Variants in ZAN observed in about 807,000 individuals in gnomAD.
The protein encoded by ZAN is zonadhesin, also known as zonadhesin (gene/pseudogene).
In ZAN, 260 loss-of-function variants were observed where a neutral mutation model predicts 286.2. That is an observed-to-expected ratio of 0.91 (90% CI 0.82 to 1.01). ZAN has a LOEUF of 1.01. Among genes scored for constraint, ZAN ranks in the 50% least tolerant of loss-of-function variants. The pLI, the probability that ZAN is intolerant of heterozygous loss-of-function variation, is 0.00. For missense variants in ZAN, 3,410 were observed against 3,639.2 expected, an observed-to-expected ratio of 0.94 and a Z score of 1.62; for synonymous variants, 1,368 against 1,417.5, an observed-to-expected ratio of 0.97 and a Z score of 0.79.
chr7:100,753,304 G>A, intron 14 of ZAN, 75 bp downstream of exon 14: 1 of 1,459,384 alleles, frequency 6.9e-7, no homozygotes, highest in Non-Finnish European at 9.1e-7. Context: ...GGAAAGGGAT[G>A]CTTCTGGTAG....
At chr7:100,735,486 G>A (rs1299959223) in intron 2 of ZAN, among the ~76,000 whole-genome samples, 2 of 135,720 alleles carry the variant, frequency 1.5e-5, no homozygotes, top group Non-Finnish European at 3.3e-5. Flanking sequence ...AGGATTGCTG[G>A]AGCCCAGAGG....
chr7:100,747,534 A>G lies in ZAN; in HGVS notation c.932-16A>G. The G allele has an allele frequency of 4.3e-6, 7 of 1,612,686 alleles. No individual in the cohort carries two copies. The highest frequency in any genetic ancestry group is 2.2e-5 in the East Asian group (1 of 44,878). The stretch of plus-strand genomic sequence containing the variant: ...CCCCTTAAGCTCACTTCTCCTTCCA[A>G]TTCCTTTCACTGCAGGGAGTATCCG... On this transcript the variant is annotated splice_polypyrimidine_tract_variant and intron_variant, in intron 8 of 47. Transcript: ENST00000613979.
At position 100,787,921 on chromosome 7, in the gene ZAN, C is replaced by T. The variant is rs761907611; in HGVS notation, c.7012C>T (p.Arg2338Cys). The T allele has an allele frequency of 3.8e-6, 6 of 1,577,328 alleles. No individual in the cohort carries two copies. The highest frequency in any genetic ancestry group is 3.5e-5 in the Admixed American group (2 of 57,928). The change falls in exon 38 of 48, where the codon CGT (arginine) becomes TGT (cysteine). Residue 2338 changes from arginine to cysteine, a missense_variant. Physicochemically the swap from Arg to Cys is radical, Grantham distance 180. Transcript: ENST00000613979. ...SEQCSVYGDP[R>C]YLTFDGFSYR... ...ACAATGCTCAGTCTATGGCGACCCC[C>T]GTTACCTCACATTTGACGGCTTCAG...
chr7:100,772,457 A>G (rs955663764), intron 29 of ZAN, among the ~76,000 whole-genome samples: 1 of 151,412 alleles, frequency 6.6e-6, no homozygotes, highest in African/African-American at 2.4e-5. Flanking sequence ...CAAAACAAAA[A>G]GTTCTGGCAG....
At chr7:100,762,111 G>A (rs551198607) in intron 19 of ZAN, 104 bp from the exon 20 acceptor site, 117 of 1,439,704 alleles carry the variant, frequency 8.1e-5, no homozygotes, top group African/African-American at 5.5e-4. Flanking sequence ...TCCTCCTCAC[G>A]CCCTCTGTTT....
rs1807289508 is a variant in ZAN, at chr7:100,736,349, G to A, written c.107-134G>A. The stretch of plus-strand genomic sequence containing the variant: ...CTCCCCAGTAGCTGGGACTACAGGT[G>A]TGCGCCACCACACCCGGCTGATTTC... On this transcript the variant is annotated intron_variant, in intron 3 of 47. Coordinates refer to ENST00000613979, the MANE Select transcript of ZAN (RefSeq NM_003386.3). 6 of 1,062,976 alleles carry A rather than the reference G, an allele frequency of 5.6e-6. 2 individuals are homozygous for A. In the South Asian group the frequency reaches 7.7e-5, roughly 14 times the overall value. The allele number at this position is 1,062,976 out of a possible 1,614,324, so 65.8% of individuals were successfully genotyped here.
At chr7:100,757,374 A>G (rs1455368833) in intron 15 of ZAN, among the ~76,000 whole-genome samples, 24 of 152,134 alleles carry the variant, frequency 1.6e-4, no homozygotes, top group Non-Finnish European at 4.4e-5. Context: ...TCAGATTCAG[A>G]GAGACACATG....
At chr7:100,777,103 G>GCGCAATCT (rs1810871043) in intron 34 of ZAN, among the ~76,000 whole-genome samples, 1 of 151,160 alleles carries the variant, frequency 6.6e-6, no homozygotes, top group African/African-American at 2.4e-5. Flanking sequence ...GAGTGCAGTG[G>GCGCAATCT]TATGATCTCG....
intron 6 of ZAN, among the ~76,000 whole-genome samples, chr7:100,737,705 CAA>C (rs540200393): frequency 3.0e-5 from 3 of 100,058 alleles, no homozygotes; most frequent in Non-Finnish European, 2.2e-5. Context: ...GACTCCGTCT[CAA>C]AAAAAAAAAA....
Position 100,746,237 on chromosome 7 carries a change from A to G in ZAN, c.767-301A>G, listed in dbSNP as rs558496926. 3.4e-4 allele frequency among the ~76,000 whole-genome samples: 52 copies of G among 152,254 alleles called. 1 individual carries two copies. The highest frequency in any genetic ancestry group is 7.4e-5 in the Non-Finnish European group (5 of 67,998). On this transcript the variant is annotated intron_variant, in intron 7 of 47. Coordinates refer to ENST00000613979, the MANE Select transcript of ZAN (RefSeq NM_003386.3). ...TGGGCGACAGAGTGAGACTGTCTCAAAAACAAAAACAAAACAACAACAACA... is the reference window on the plus strand; with the variant it reads ...TGGGCGACAGAGTGAGACTGTCTCAGAAACAAAAACAAAACAACAACAACA...
chr7:100,744,513 G>A (rs1808042883), intron 7 of ZAN, among the ~76,000 whole-genome samples: 1 of 151,104 alleles, frequency 6.6e-6, no homozygotes, highest in Non-Finnish European at 1.5e-5. Context: ...CAGGAGAATT[G>A]TTTGAACCTG....
chr7:100,781,246 T>G (rs1007281684), intron 35 of ZAN, among the ~76,000 whole-genome samples: 3 of 152,036 alleles, frequency 2.0e-5, no homozygotes, highest in African/African-American at 7.2e-5. Flanking sequence ...TTTTGTATTT[T>G]TAGTAGAGAC....
At chr7:100,772,648 C>T (rs377424896) in intron 29 of ZAN, among the ~76,000 whole-genome samples, 1 of 151,536 alleles carries the variant, frequency 6.6e-6, no homozygotes, top group Admixed American at 6.6e-5. Context: ...GGAGAAACCC[C>T]GTCTCTACCA....
At chr7:100,790,651 G>A (rs1227143052) in intron 39 of ZAN, among the ~76,000 whole-genome samples, 1 of 151,932 alleles carries the variant, frequency 6.6e-6, no homozygotes, top group Non-Finnish European at 1.5e-5. Context: ...GAGAGGCCGA[G>A]GTAGGCAGAT....
intron 36 of ZAN, 58 bp from the exon 37 acceptor site, chr7:100,785,939 G>T: frequency 7.1e-6 from 11 of 1,554,208 alleles, no homozygotes; most frequent in Non-Finnish European, 8.7e-6. Context: ...GATTACAGGC[G>T]TGAGCCGCCG....
intron 22 of ZAN, 126 bp from the exon 23 acceptor site, chr7:100,765,226 C>T: frequency 1.8e-6 from 2 of 1,110,080 alleles, no homozygotes; most frequent in Non-Finnish European, 2.6e-6. Context: ...TTCTCACAGT[C>T]ACTCTCTCTT....
Position 100,764,106 on chromosome 7 carries a change from C to A in ZAN, c.4177C>A (p.His1393Asn), listed in dbSNP as rs1335656654. ...LDMCGFQGLQHLLCTHMSTMT... is the reference protein window; with the variant it reads ...LDMCGFQGLQNLLCTHMSTMT... ...TATGTGCGGATTCCAGGGGCTGCAGCACCTGCTGTGCACACACATGTCCAC... is the reference window on the plus strand; with the variant it reads ...TATGTGCGGATTCCAGGGGCTGCAGAACCTGCTGTGCACACACATGTCCAC... Residue 1393 changes from histidine (H) to asparagine (N), a missense_variant, in exon 22 of 48, where the codon CAC (histidine) becomes AAC (asparagine). Transcript: ENST00000613979. 1 of 1,613,476 alleles carries A rather than the reference C, an allele frequency of 6.2e-7. No individual in the cohort carries two copies. The highest frequency in any genetic ancestry group is 1.7e-5 in the Admixed American group (1 of 59,938).
chr7:100,742,789 G>T (rs942553461), intron 7 of ZAN, among the ~76,000 whole-genome samples: 1 of 49,666 alleles, frequency 2.0e-5, no homozygotes, highest in Non-Finnish European at 4.4e-5. Context: ...AGGTTGCAGT[G>T]AGCCGAGATG....
Position 100,764,036 on chromosome 7 carries a change from G to A in ZAN, c.4107G>A (p.Leu1369=). 10 of 1,613,872 alleles carry A rather than the reference G, an allele frequency of 6.2e-6. No individual in the cohort carries two copies. The highest frequency in any genetic ancestry group is 8.5e-6 in the Non-Finnish European group (10 of 1,179,846). The change falls in exon 22 of 48, where the codon CTG becomes CTA. Residue 1369 remains leucine (L), a synonymous_variant. Coordinates refer to ENST00000613979, the MANE Select transcript of ZAN (RefSeq NM_003386.3). ...TGGTCACTCCCCTCAGGACATGCCT[G>A]CTGCACGTGAAGGCCGCTTCCTTCT... ...VDTHGPFETC[L]LHVKAASFFD...
Sources: gnomAD v4.1 joint callset for allele counts (sites outside exome capture counted in the v4.1 genomes callset) on GRCh38, gnomAD v4.1.1 for gene constraint, MANE v1.5 for transcripts, NCBI Gene and HGNC (gene_info 2026-07-23, HGNC 2026-07-21) for gene names.